Variants in SCMH1 observed in about 807,000 individuals in gnomAD.
SCMH1 encodes the protein polycomb protein SCMH1.
In SCMH1, 37 loss-of-function variants were observed where a neutral mutation model predicts 70.8. The observed-to-expected ratio is 0.52, with a 90% CI of 0.40 to 0.69. The LOEUF is 0.69. Among genes scored for constraint, SCMH1 ranks in the 30% least tolerant of loss-of-function variants. SCMH1 has a pLI of 0.00. For missense variants in SCMH1, 607 were observed against 827.3 expected, an observed-to-expected ratio of 0.73 and a Z score of 3.27; for synonymous variants, 292 against 307.4, an observed-to-expected ratio of 0.95 and a Z score of 0.52.
chr1:41,166,529 C>A (rs1223694287), intron 2 of SCMH1, among the ~76,000 whole-genome samples: 1 of 152,018 alleles, frequency 6.6e-6, no homozygotes, highest in Non-Finnish European at 1.5e-5. Flanking sequence ...TCATCAGTGT[C>A]TTACAGTTCT....
At chr1:41,157,101 G>A (rs1322782945) in intron 4 of SCMH1, among the ~76,000 whole-genome samples, 1 of 151,824 alleles carries the variant, frequency 6.6e-6, no homozygotes, top group Non-Finnish European at 1.5e-5. Flanking sequence ...CTACAGGTGT[G>A]CACCACTATG....
chr1:41,048,732 A>G (rs1248891948), exon 11 of SCMH1: 1 of 1,614,154 alleles, frequency 6.2e-7, no homozygotes, highest in Non-Finnish European at 8.5e-7. Flanking sequence ...AGGAAGCTGA[A>G]GACGGTTTTC....
intron 8 of SCMH1, among the ~76,000 whole-genome samples, chr1:41,112,375 G>C (rs1168087310): frequency 6.6e-6 from 1 of 152,128 alleles, no homozygotes; most frequent in East Asian, 1.9e-4. Flanking sequence ...GTACTTTTTA[G>C]ACTTAAGAGG....
intron 8 of SCMH1, among the ~76,000 whole-genome samples, chr1:41,079,165 A>C (rs1323293371): frequency 6.6e-6 from 1 of 152,224 alleles, no homozygotes; most frequent in African/African-American, 2.4e-5. Flanking sequence ...AGAATAATAA[A>C]ACATACTTGA....
chr1:41,156,966 T>C (rs1310145826), intron 4 of SCMH1, among the ~76,000 whole-genome samples: 1 of 150,672 alleles, frequency 6.6e-6, no homozygotes, highest in African/African-American at 2.4e-5. Flanking sequence ...TTTTTTTTTT[T>C]TTTTTTTTGA....
Position 41,038,906 on chromosome 1 carries a change from G to A in SCMH1, c.1499-1365C>T, listed in dbSNP as rs937755195. On this transcript the variant is annotated intron_variant, in intron 12 of 14. Coordinates refer to ENST00000337495, the Ensembl canonical transcript of SCMH1. ...CTAGGTATGTGATTCTAGACAAGTA[G>A]CTTGTCTTCTCTAAGCACCAGTTTC... Among the ~76,000 whole-genome samples the A allele has an allele frequency of 4.6e-5, 7 of 152,286 alleles. No homozygotes were observed. The South Asian group carries it at 6.2e-4, about 14-fold the overall frequency.
intron 13 of SCMH1, among the ~76,000 whole-genome samples, chr1:41,032,441 G>A (rs150709528): frequency 1.6e-3 from 243 of 152,298 alleles, no homozygotes; most frequent in Middle Eastern, 3.4e-3. Context: ...AGAACAAAGT[G>A]AATGAGGGAG....
chr1:41,047,994 G>C (rs561582158), intron 11 of SCMH1, among the ~76,000 whole-genome samples: 3 of 152,162 alleles, frequency 2.0e-5, no homozygotes, highest in African/African-American at 7.2e-5. Flanking sequence ...CCATGCCAGC[G>C]GGGTTTCCTG....
intron 1 of SCMH1, among the ~76,000 whole-genome samples, chr1:41,241,494 G>C (rs1297683395): frequency 6.6e-6 from 1 of 152,038 alleles, no homozygotes; most frequent in Non-Finnish European, 1.5e-5. Flanking sequence ...AGGCGCCCCA[G>C]CTCTCGGTGG....
chr1:41,230,151 A>G (rs1046396947), intron 1 of SCMH1, among the ~76,000 whole-genome samples: 4 of 152,202 alleles, frequency 2.6e-5, no homozygotes, highest in Admixed American at 6.5e-5. Flanking sequence ...TTAGGCAGAG[A>G]TATGATCTGA....
intron 2 of SCMH1, among the ~76,000 whole-genome samples, chr1:41,172,440 C>CA (rs1287034266): frequency 4.0e-5 from 6 of 151,526 alleles, no homozygotes; most frequent in Admixed American, 1.3e-4. Flanking sequence ...GAAAAGGACA[C>CA]AAAAAAATAG....
At chr1:41,189,811 T>C (rs542335383) in intron 1 of SCMH1, among the ~76,000 whole-genome samples, 1 of 152,348 alleles carries the variant, frequency 6.6e-6, no homozygotes, top group East Asian at 1.9e-4. Flanking sequence ...ATGCCATGAC[T>C]TCCTTTGTCC....
At chr1:41,057,346 A>C (rs1387975688) in intron 10 of SCMH1, among the ~76,000 whole-genome samples, 1 of 151,336 alleles carries the variant, frequency 6.6e-6, no homozygotes, top group African/African-American at 2.4e-5. Flanking sequence ...GCTCCCTGCA[A>C]CCTCCGCCTC....
At chr1:41,145,537 C>T (rs1204976285) in intron 5 of SCMH1, among the ~76,000 whole-genome samples, 1 of 152,130 alleles carries the variant, frequency 6.6e-6, no homozygotes, top group African/African-American at 2.4e-5. Context: ...ATTGCTATGG[C>T]TATTCTGGGT....
At chr1:41,059,354 C>T (rs1020452485) in intron 10 of SCMH1, among the ~76,000 whole-genome samples, 6 of 152,092 alleles carry the variant, frequency 3.9e-5, no homozygotes, top group Admixed American at 3.3e-4. Context: ...ACCCCAGGAT[C>T]GATGAGCAGA....
At chr1:41,116,323 G>C (rs1401214711) in intron 7 of SCMH1, among the ~76,000 whole-genome samples, 1 of 152,164 alleles carries the variant, frequency 6.6e-6, no homozygotes, top group Non-Finnish European at 1.5e-5. Context: ...TACCCCATTA[G>C]AAAATTCAAC....
rs559793891 is a variant in SCMH1 at position 41,178,418 on chromosome 1, G to T, written c.13+7703C>A. Among the ~76,000 whole-genome samples, 12 of 152,268 alleles carry T rather than the reference G, an allele frequency of 7.9e-5. 1 individual carries two copies. The South Asian group carries it at 2.5e-3, about 32-fold the overall frequency. ...AACCTTAAATGTAAATGGGCTAAAT[G>T]CTCCAAGTAAAAGACACAGACTGGC... On this transcript the variant is annotated intron_variant, in intron 2 of 14. Transcript: ENST00000337495.
At chr1:41,174,153 T>A (rs1028963487) in intron 2 of SCMH1, among the ~76,000 whole-genome samples, 3 of 152,114 alleles carry the variant, frequency 2.0e-5, no homozygotes, top group Non-Finnish European at 4.4e-5. Context: ...ACCAATTTGA[T>A]CATTACATAT....
chr1:41,144,351 T>C (rs1644363342), intron 5 of SCMH1, among the ~76,000 whole-genome samples: 1 of 152,226 alleles, frequency 6.6e-6, no homozygotes, highest in Non-Finnish European at 1.5e-5. Flanking sequence ...GATGGAATTA[T>C]ATAATGTGTG....
Sources: gnomAD v4.1 joint callset for allele counts (sites outside exome capture counted in the v4.1 genomes callset) on GRCh38, gnomAD v4.1.1 for gene constraint, MANE v1.5 for transcripts, NCBI Gene and HGNC (gene_info 2026-07-23, HGNC 2026-07-21) for gene names.